SYNJ2BP: variants seen among roughly 807,000 people sequenced by gnomAD.
The protein encoded by SYNJ2BP is synaptojanin 2 binding protein.
SYNJ2BP carries 10 observed loss-of-function variants against 16.9 expected under a neutral mutation model. The ratio of observed to expected loss-of-function variants is 0.59; its 90% CI spans 0.36 to 1.00. SYNJ2BP has a LOEUF of 1.00. Among genes scored for constraint, SYNJ2BP ranks in the 50% least tolerant of loss-of-function variants. The pLI is 0.01. For synonymous variants in SYNJ2BP, 54 were observed against 68.4 expected (o/e 0.79, Z 1.04); for missense variants, 162 against 186.7 (o/e 0.87, Z 0.77).
At chr14:70,386,670 T>G (rs1887865975) in intron 2 of SYNJ2BP, among the ~76,000 whole-genome samples, 1 of 152,160 alleles carries the variant, frequency 6.6e-6, no homozygotes, top group Non-Finnish European at 1.5e-5. Context: ...ATCTCTGCCT[T>G]CAGGTTCTGC....
intron 1 of SYNJ2BP, among the ~76,000 whole-genome samples, chr14:70,405,221 A>T (rs1435143366): frequency 6.6e-6 from 1 of 152,146 alleles, no homozygotes; most frequent in Non-Finnish European, 1.5e-5. Context: ...TCAGTATAGG[A>T]CAAAACTAAA....
At chr14:70,378,695 C>T (rs1887685530) in intron 2 of SYNJ2BP, among the ~76,000 whole-genome samples, 1 of 152,170 alleles carries the variant, frequency 6.6e-6, no homozygotes, top group Non-Finnish European at 1.5e-5. Flanking sequence ...ATCTCTCATA[C>T]AGTATTTTCT....
rs61977540 is a variant in SYNJ2BP at position 70,369,166 on chromosome 14, G to T, written c.*3825C>A. The T allele has an allele frequency of 0.075, 11,359 of 152,264 alleles. 488 individuals are homozygous for T. Among genetic ancestry groups the T allele is most frequent in the Middle Eastern group, 0.12 (34 of 294 alleles). 9.4% of individuals were successfully genotyped at this position (152,264 alleles called of 1,614,324 possible). ...AGGTCTCACTCCGTTGCTCAGGCTAGAATGAAGTGGAGCAATCACGGCTCA... is the reference window on the plus strand; with the variant it reads ...AGGTCTCACTCCGTTGCTCAGGCTATAATGAAGTGGAGCAATCACGGCTCA... On this transcript the variant is annotated 3_prime_UTR_variant, in exon 4 of 4. Coordinates refer to ENST00000256366, the MANE Select transcript of SYNJ2BP (RefSeq NM_018373.3).
At chr14:70,393,530 T>C (rs143891845) in intron 1 of SYNJ2BP, among the ~76,000 whole-genome samples, 306 of 152,304 alleles carry the variant, frequency 2.0e-3, no homozygotes, top group Non-Finnish European at 3.4e-3. Flanking sequence ...CTGTTTACAA[T>C]AGCAAAGACT....
chr14:70,406,347 A>C (rs562461786), intron 1 of SYNJ2BP, among the ~76,000 whole-genome samples: 3 of 152,330 alleles, frequency 2.0e-5, no homozygotes, highest in Non-Finnish European at 2.9e-5. Flanking sequence ...TCTTGCTTCT[A>C]ATCTCCAATT....
At chr14:70,410,718 C>T (rs915792861) in intron 1 of SYNJ2BP, among the ~76,000 whole-genome samples, 5 of 152,122 alleles carry the variant, frequency 3.3e-5, no homozygotes, top group Non-Finnish European at 5.9e-5. Context: ...TTCGCAGGAA[C>T]GTGGATGCAG....
chr14:70,386,428 C>T (rs1887860549), intron 2 of SYNJ2BP, among the ~76,000 whole-genome samples: 2 of 152,196 alleles, frequency 1.3e-5, no homozygotes, highest in Non-Finnish European at 2.9e-5. Context: ...TACTGCAGTG[C>T]TTGATACTAT....
At chr14:70,375,548 G>A in intron 3 of SYNJ2BP, 128 bp downstream of exon 3, 3 of 1,207,344 alleles carry the variant, frequency 2.5e-6, no homozygotes, top group Non-Finnish European at 1.1e-6. Context: ...CCCTCCCTTT[G>A]CCTGAGAAAC....
Position 70,416,958 on chromosome 14 carries a change from G to A in SYNJ2BP, c.6C>T (p.Asn2=), listed in dbSNP as rs748227697. 38 of 1,613,964 alleles carry A rather than the reference G, an allele frequency of 2.4e-5. No homozygotes were observed. Among genetic ancestry groups the A allele is most frequent in the Non-Finnish European group, 3.0e-5 (35 of 1,180,020 alleles). The change falls in exon 1 of 4, where the codon AAC becomes AAT. Residue 2 remains asparagine, a synonymous_variant. Coordinates refer to ENST00000256366, the MANE Select transcript of SYNJ2BP (RefSeq NM_018373.3). M[N]GRVDYLVTEE... The stretch of plus-strand genomic sequence containing the variant: ...CAGTGACCAAATAATCCACTCTTCC[G>A]TTCATGTTTTACAGCTCGTCTGGCT...
chr14:70,404,437 GA>G (rs145984212), intron 1 of SYNJ2BP, among the ~76,000 whole-genome samples: 8,152 of 152,244 alleles, frequency 0.054, 278 homozygotes, highest in Middle Eastern at 0.11. Context: ...ATCTTTTTCA[GA>G]AACTTAAAAT....
chr14:70,383,674 G>C (rs572951381), intron 2 of SYNJ2BP, among the ~76,000 whole-genome samples: 1 of 152,264 alleles, frequency 6.6e-6, no homozygotes, highest in Admixed American at 6.5e-5. Flanking sequence ...CAAGGAATGA[G>C]AAACTTAGTT....
chr14:70,374,824 G>A (rs928381742), intron 3 of SYNJ2BP, among the ~76,000 whole-genome samples: 43 of 152,054 alleles, frequency 2.8e-4, no homozygotes, highest in African/African-American at 8.9e-4. Context: ...AGTTTTCAGC[G>A]GTAGACATAT....
chr14:70,397,630 A>G (rs1888130090), intron 1 of SYNJ2BP, among the ~76,000 whole-genome samples: 1 of 152,186 alleles, frequency 6.6e-6, no homozygotes, highest in Non-Finnish European at 1.5e-5. Flanking sequence ...TGGCATCTGG[A>G]AGCTTGGAGA....
chr14:70,399,315 C>T (rs1888180476), intron 1 of SYNJ2BP, among the ~76,000 whole-genome samples: 1 of 152,244 alleles, frequency 6.6e-6, no homozygotes, highest in African/African-American at 2.4e-5. Context: ...CGCCCCATAG[C>T]GCAGCCCCCA....
chr14:70,416,796 G>C (rs1279462440), intron 1 of SYNJ2BP, 104 bp downstream of exon 1: 3 of 1,569,026 alleles, frequency 1.9e-6, no homozygotes, highest in Middle Eastern at 1.7e-4. Context: ...TCTAGGTTGT[G>C]GCCTGCCCGC....
intron 1 of SYNJ2BP, among the ~76,000 whole-genome samples, chr14:70,416,175 G>A (rs1203216228): frequency 6.6e-6 from 1 of 152,146 alleles, no homozygotes; most frequent in Non-Finnish European, 1.5e-5. Context: ...GTTTAATGAA[G>A]AGCCACAGTG....
In SYNJ2BP at chr14:70,369,228, G is replaced by C. The variant is rs143603230; in HGVS notation, c.*3763C>G. 6.6e-6 allele frequency: 1 copy of C among 152,084 alleles called. No individual in the cohort carries two copies. Among genetic ancestry groups the C allele is most frequent in the South Asian group, 2.1e-4 (1 of 4,820 alleles). 9.4% of individuals were successfully genotyped at this position (152,084 alleles called of 1,614,324 possible). A position where few individuals can be genotyped will look rare whatever the true frequency, so the allele number is the denominator to read the frequency against. On this transcript the variant is annotated 3_prime_UTR_variant, in exon 4 of 4. Coordinates refer to ENST00000256366, the MANE Select transcript of SYNJ2BP (RefSeq NM_018373.3). The stretch of plus-strand genomic sequence containing the variant: ...TCTCCTGGGCTCAAGCAATCCTCCC[G>C]TGTAGCTGGGCCTACAGGAATGCAC...
In SYNJ2BP at chr14:70,367,154, C is replaced by T. The variant is rs76893222; in HGVS notation, c.*5837G>A. 6.6e-6 allele frequency: 1 copy of T among 152,210 alleles called. No homozygotes were observed. Among genetic ancestry groups the T allele is most frequent in the East Asian group, 1.9e-4 (1 of 5,186 alleles). 9.4% of individuals were successfully genotyped at this position (152,210 alleles called of 1,614,324 possible). On this transcript the variant is annotated 3_prime_UTR_variant, in exon 4 of 4. Transcript: ENST00000256366. Reference sequence around the variant, plus strand: ...AGTGAGGAAAACCTGGAAACAGGACCGAGTGTTTGCTATCACTTGATTCCT... The same window carrying T: ...AGTGAGGAAAACCTGGAAACAGGACTGAGTGTTTGCTATCACTTGATTCCT...
In SYNJ2BP at chr14:70,368,968, G is replaced by C. The variant is rs574150342; in HGVS notation, c.*4023C>G. The C allele has an allele frequency of 6.6e-6, 1 of 152,254 alleles. No homozygotes were observed. Among genetic ancestry groups the C allele is most frequent in the African/African-American group, 2.4e-5 (1 of 41,526 alleles). The allele number at this position is 152,254 out of a possible 1,614,324, so 9.4% of individuals were successfully genotyped here. A position where few individuals can be genotyped will look rare whatever the true frequency, so the allele number is the denominator to read the frequency against. On this transcript the variant is annotated 3_prime_UTR_variant, in exon 4 of 4. Coordinates refer to ENST00000256366, the MANE Select transcript of SYNJ2BP (RefSeq NM_018373.3). Reference sequence around the variant, plus strand: ...AGCAAAGGGAATGATGACTGGCATAGAGCAATGAGTCTCAAACTTTAGCAT... The same window carrying C: ...AGCAAAGGGAATGATGACTGGCATACAGCAATGAGTCTCAAACTTTAGCAT...
Sources: gnomAD v4.1 joint callset for allele counts (sites outside exome capture counted in the v4.1 genomes callset) on GRCh38, gnomAD v4.1.1 for gene constraint, MANE v1.5 for transcripts, NCBI Gene and HGNC (gene_info 2026-07-23, HGNC 2026-07-21) for gene names.